THSD7A: variants seen among roughly 807,000 people sequenced by gnomAD.
THSD7A encodes the protein thrombospondin type 1 domain containing 7A, also known as thrombospondin type-1 domain-containing protein 7A.
A neutral mutation model predicts 231.3 loss-of-function variants in THSD7A; 96 were observed. The observed-to-expected ratio is 0.41, with a 90% CI of 0.35 to 0.49. The LOEUF is 0.49. Ranked by LOEUF, THSD7A falls within the 20% of genes least tolerant of loss-of-function variation. The pLI, the probability that THSD7A is intolerant of heterozygous loss-of-function variation, is 0.05. For missense variants in THSD7A, 2,290 were observed against 2,070.2 expected (o/e 1.11, Z -2.06); for synonymous variants, 940 against 743.3 (o/e 1.26, Z -4.30).
chr7:11,480,097 G>T (rs1322973553), intron 7 of THSD7A, among the ~76,000 whole-genome samples: 2 of 152,096 alleles, frequency 1.3e-5, no homozygotes, highest in Admixed American at 1.3e-4. Flanking sequence ...ATGCCCTTAT[G>T]ATTTACTATA....
chr7:11,831,843 A>AGCAGCGGCAGCG lies in THSD7A; in HGVS notation c.92_103dup (p.Pro31_Leu34dup), dbSNP rs536177295. The AGCAGCGGCAGCG allele has an allele frequency of 1.2e-3, 1,615 of 1,359,964 alleles. 47 individuals carry two copies. The East Asian group carries it at 0.042, about 35-fold the overall frequency. 84.2% of individuals were successfully genotyped at this position (1,359,964 alleles called of 1,614,324 possible). A position where few individuals can be genotyped will look rare whatever the true frequency, so the allele number is the denominator to read the frequency against. On this transcript the variant is annotated inframe_insertion, in exon 1 of 28. Coordinates refer to ENST00000423059, the MANE Select transcript of THSD7A (RefSeq NM_015204.3). The surrounding 1 kb of genome is among the most constrained non-coding windows in gnomAD (Gnocchi z 5.0). ...GCCCGGGCGTAGCAGCAGCAGCAGG[A>AGCAGCGGCAGCG]GCAGCGGCAGCGGCAGCGGCAGCGG... is the stretch of plus-strand genomic sequence containing the variant.
At chr7:11,767,953 T>C (rs1238954897) in intron 1 of THSD7A, among the ~76,000 whole-genome samples, 2 of 152,178 alleles carry the variant, frequency 1.3e-5, no homozygotes, top group African/African-American at 2.4e-5. Flanking sequence ...TTTAACAATA[T>C]GAATGAGGAG....
At chr7:11,713,477 TTAC>T in intron 1 of THSD7A, among the ~76,000 whole-genome samples, 1 of 151,288 alleles carries the variant, frequency 6.6e-6, no homozygotes, top group South Asian at 2.1e-4. Flanking sequence ...AGAACTAAAT[TTAC>T]TGTCGTCTTG....
At chr7:11,621,549 T>A (rs1379230236) in intron 2 of THSD7A, among the ~76,000 whole-genome samples, 1 of 152,126 alleles carries the variant, frequency 6.6e-6, no homozygotes, top group Non-Finnish European at 1.5e-5. Context: ...TTTTATTATA[T>A]AGAAAACCTC....
chr7:11,597,263 C>A (rs1780397034), intron 2 of THSD7A, among the ~76,000 whole-genome samples: 1 of 152,180 alleles, frequency 6.6e-6, no homozygotes, highest in Non-Finnish European at 1.5e-5. Context: ...GGATAAGTTG[C>A]TGCATTTGGC....
chr7:11,580,979 G>T lies in THSD7A; in HGVS notation c.1453+9481C>A, dbSNP rs1001067497. 3.3e-5 allele frequency among the ~76,000 whole-genome samples: 5 copies of T among 152,216 alleles called. No individual in the cohort carries two copies. In the East Asian group the frequency reaches 9.7e-4, roughly 29 times the overall value. On this transcript the variant is annotated intron_variant, in intron 4 of 27. Coordinates refer to ENST00000423059, the MANE Select transcript of THSD7A (RefSeq NM_015204.3). ...CCTAATAATTGTTCAATAAGTATTT[G>T]TTGAGTGAATGAAAGAATAATAAGT...
At chr7:11,523,133 A>G (rs567413773) in intron 6 of THSD7A, among the ~76,000 whole-genome samples, 1 of 152,222 alleles carries the variant, frequency 6.6e-6, no homozygotes, top group African/African-American at 2.4e-5. Context: ...TCAGTTCTAT[A>G]TTGCTTTTGT....
intron 1 of THSD7A, among the ~76,000 whole-genome samples, chr7:11,791,559 T>C (rs1236119264): frequency 1.3e-5 from 2 of 152,022 alleles, no homozygotes; most frequent in African/African-American, 2.4e-5. Context: ...CTTATCTTGC[T>C]GATAGGAAGA....
chr7:11,785,093 C>T (rs995158598), intron 1 of THSD7A, among the ~76,000 whole-genome samples: 3 of 152,112 alleles, frequency 2.0e-5, no homozygotes, highest in African/African-American at 7.2e-5. Flanking sequence ...GCATTGTTTC[C>T]TGTCCTTGGA....
At chr7:11,470,353 AGG>A (rs1785887377) in intron 8 of THSD7A, among the ~76,000 whole-genome samples, 1 of 152,080 alleles carries the variant, frequency 6.6e-6, no homozygotes, top group African/African-American at 2.4e-5. Flanking sequence ...TATTAATTTA[AGG>A]ATCTAATTCT....
At chr7:11,807,794 A>G (rs1784435983) in intron 1 of THSD7A, among the ~76,000 whole-genome samples, 1 of 152,200 alleles carries the variant, frequency 6.6e-6, no homozygotes, top group Non-Finnish European at 1.5e-5. Flanking sequence ...ATATTTTGCT[A>G]CAACTAAAAT....
intron 19 of THSD7A, among the ~76,000 whole-genome samples, chr7:11,409,167 G>A (rs958072301): frequency 3.3e-5 from 5 of 152,030 alleles, no homozygotes; most frequent in African/African-American, 1.2e-4. Context: ...CCAATTACTA[G>A]GTATCCAATG....
chr7:11,614,065 C>T (rs1236005630), intron 2 of THSD7A, among the ~76,000 whole-genome samples: 1 of 152,092 alleles, frequency 6.6e-6, no homozygotes, highest in Non-Finnish European at 1.5e-5. Context: ...GTTAAGGTGC[C>T]AACTGGGAAA....
intron 1 of THSD7A, among the ~76,000 whole-genome samples, chr7:11,766,835 AG>A (rs1027968621): frequency 6.6e-6 from 1 of 152,192 alleles, no homozygotes; most frequent in Non-Finnish European, 1.5e-5. Flanking sequence ...ACAGGATTAA[AG>A]AACAACCACA....
intron 1 of THSD7A, among the ~76,000 whole-genome samples, chr7:11,806,931 T>C (rs956999181): frequency 6.6e-6 from 1 of 152,088 alleles, no homozygotes; most frequent in African/African-American, 2.4e-5. Context: ...AATTTCTCAT[T>C]TGCACAAAAT....
At chr7:11,606,231 T>C (rs762742414) in intron 2 of THSD7A, among the ~76,000 whole-genome samples, 6 of 152,150 alleles carry the variant, frequency 3.9e-5, no homozygotes, top group Non-Finnish European at 8.8e-5. Context: ...TTTGTTACTG[T>C]TGAATTCTAC....
chr7:11,769,141 A>ATTTTTTTT (rs1562541275), intron 1 of THSD7A, among the ~76,000 whole-genome samples: 3 of 34,962 alleles, frequency 8.6e-5, no homozygotes, highest in Admixed American at 7.8e-4. Flanking sequence ...ATATATATAT[A>ATTTTTTTT]TATATATATA....
At chr7:11,575,990 A>C (rs529144766) in intron 4 of THSD7A, among the ~76,000 whole-genome samples, 2 of 152,088 alleles carry the variant, frequency 1.3e-5, no homozygotes, top group African/African-American at 4.8e-5. Context: ...CTCATTTACA[A>C]CTGGTTTCTG....
At chr7:11,557,523 G>C (rs1789897910) in intron 4 of THSD7A, among the ~76,000 whole-genome samples, 1 of 151,966 alleles carries the variant, frequency 6.6e-6, no homozygotes, top group Non-Finnish European at 1.5e-5. Flanking sequence ...GAGTGACTTT[G>C]ATTGAAACCC....
Sources: gnomAD v4.1 joint callset for allele counts (sites outside exome capture counted in the v4.1 genomes callset) on GRCh38, gnomAD v4.1.1 for gene constraint, Gnocchi (gnomAD v3.1) non-coding constraint, MANE v1.5 for transcripts, NCBI Gene and HGNC (gene_info 2026-07-23, HGNC 2026-07-21) for gene names.